GNG7: variants seen among roughly 807,000 people sequenced by gnomAD.
The protein encoded by GNG7 is guanine nucleotide-binding protein G(I)/G(S)/G(O) subunit gamma-7.
GNG7 carries 1 observed loss-of-function variant against 4.0 expected under a neutral mutation model. The ratio of observed to expected loss-of-function variants is 0.25; its 90% CI spans 0.09 to 1.18. GNG7 has a LOEUF of 1.18. Among genes scored for constraint, GNG7 ranks in the 50% most tolerant of loss-of-function variants. GNG7 has a pLI of 0.50. For missense variants in GNG7, 86 were observed against 91.9 expected (o/e 0.94, Z 0.26); for synonymous variants, 34 against 36.9 (o/e 0.92, Z 0.29).
At chr19:2,616,191 T>A (rs889012712) in intron 2 of GNG7, among the ~76,000 whole-genome samples, 5 of 152,138 alleles carry the variant, frequency 3.3e-5, no homozygotes, top group African/African-American at 1.2e-4. Context: ...AGAGGATCCC[T>A]TGAGCTCAGG....
intron 2 of GNG7, among the ~76,000 whole-genome samples, chr19:2,641,158 C>T (rs988370995): frequency 2.0e-5 from 3 of 152,152 alleles, no homozygotes; most frequent in Non-Finnish European, 2.9e-5. Flanking sequence ...GAGTTGCGCC[C>T]GGCAGATCCC....
intron 1 of GNG7, among the ~76,000 whole-genome samples, chr19:2,669,356 G>A (rs1983391833): frequency 6.6e-6 from 1 of 152,128 alleles, no homozygotes; most frequent in Non-Finnish European, 1.5e-5. Flanking sequence ...TGGGCGTGGT[G>A]GTGCATGCCT....
intron 3 of GNG7, among the ~76,000 whole-genome samples, chr19:2,549,123 C>T (rs555226766): frequency 1.2e-4 from 18 of 152,246 alleles, no homozygotes; most frequent in South Asian, 4.2e-4. Context: ...TCAGGACCCC[C>T]GGAGAGAACC....
chr19:2,512,866 T>G lies in GNG7; in HGVS notation c.*2156A>C. On this transcript the variant is annotated 3_prime_UTR_variant, in exon 5 of 5. Transcript: ENST00000382159. The surrounding 1 kb of genome is among the most constrained non-coding windows in gnomAD (Gnocchi z 4.7). ...CTCCCAGGGTCTCTGGAACAGGCTT[T>G]TGTCCCTTCCTGCCATTCCTGCTAT... The G allele has an allele frequency of 1.0e-6, 1 of 980,472 alleles. No homozygotes were observed. Among genetic ancestry groups the G allele is most frequent in the Non-Finnish European group, 1.2e-6 (1 of 825,392 alleles). The allele number at this position is 980,472 out of a possible 1,614,324, so 60.7% of individuals were successfully genotyped here. A position where few individuals can be genotyped will look rare whatever the true frequency, so the allele number is the denominator to read the frequency against.
chr19:2,639,248 C>T (rs1982416913), intron 2 of GNG7, among the ~76,000 whole-genome samples: 1 of 149,768 alleles, frequency 6.7e-6, no homozygotes, highest in Non-Finnish European at 1.5e-5. Flanking sequence ...AAAAAAAATT[C>T]CTCTTTGGCA....
intron 1 of GNG7, among the ~76,000 whole-genome samples, chr19:2,688,192 G>A (rs1259255129): frequency 6.6e-6 from 1 of 152,246 alleles, no homozygotes; most frequent in East Asian, 1.9e-4. Flanking sequence ...GGTGGAGCTT[G>A]CAGTGAGCCA....
At chr19:2,699,699 T>C (rs1913354242) in intron 1 of GNG7, among the ~76,000 whole-genome samples, 2 of 152,176 alleles carry the variant, frequency 1.3e-5, no homozygotes, top group South Asian at 4.1e-4. Flanking sequence ...GTTGTCACAA[T>C]GCGGGGAGCT....
intron 2 of GNG7, among the ~76,000 whole-genome samples, chr19:2,595,835 T>A (rs1360026939): frequency 6.6e-6 from 1 of 151,956 alleles, no homozygotes; most frequent in Non-Finnish European, 1.5e-5. Flanking sequence ...TATGTGAGTG[T>A]GCATGTGTAG....
At chr19:2,657,722 G>C (rs949874355) in intron 1 of GNG7, among the ~76,000 whole-genome samples, 2 of 151,898 alleles carry the variant, frequency 1.3e-5, no homozygotes, top group Non-Finnish European at 2.9e-5. Context: ...AAAAATTTTC[G>C]ATTTACAGAA....
At chr19:2,597,222 G>A (rs961557660) in intron 2 of GNG7, among the ~76,000 whole-genome samples, 15 of 152,184 alleles carry the variant, frequency 9.9e-5, no homozygotes, top group African/African-American at 2.2e-4. Context: ...CTGAGATGGC[G>A]TTACTGCACT....
At position 2,609,116 on chromosome 19, in the gene GNG7, T is replaced by A. The variant is rs943130117; in HGVS notation, c.-78+37108A>T. The stretch of plus-strand genomic sequence containing the variant: ...ATCTTGGCTCACCGCAACCTCTGCC[T>A]CTCAGGTTCAAGCAATCCTCCTGCC... On this transcript the variant is annotated intron_variant, in intron 2 of 4. Transcript: ENST00000382159. The surrounding 1 kb of genome is among the most constrained non-coding windows in gnomAD (Gnocchi z 4.4). Among the ~76,000 whole-genome samples the A allele has an allele frequency of 1.1e-4, 17 of 152,040 alleles. No individual in the cohort carries two copies. The highest frequency in any genetic ancestry group is 1.6e-4 in the Non-Finnish European group (11 of 68,012).
intron 2 of GNG7, among the ~76,000 whole-genome samples, chr19:2,613,515 C>T (rs1468380669): frequency 6.6e-6 from 1 of 152,126 alleles, no homozygotes; most frequent in Admixed American, 6.5e-5. Flanking sequence ...ACTCTTCCTC[C>T]TCTCTCCCTC....
intron 1 of GNG7, among the ~76,000 whole-genome samples, chr19:2,689,018 T>C (rs1913069920): frequency 6.6e-6 from 1 of 151,704 alleles, no homozygotes; most frequent in South Asian, 2.1e-4. Flanking sequence ...TGAGCCATGA[T>C]CACTCCACTG....
intron 1 of GNG7, among the ~76,000 whole-genome samples, chr19:2,671,799 A>C (rs1983459667): frequency 6.6e-6 from 1 of 151,540 alleles, no homozygotes; most frequent in Non-Finnish European, 1.5e-5. Flanking sequence ...TTTTTTTAAG[A>C]TGGAGTCTCT....
intron 2 of GNG7, chr19:2,610,887 G>A (rs945657685): frequency 2.7e-5 from 4 of 150,722 alleles, no homozygotes; most frequent in East Asian, 2.0e-4. Flanking sequence ...GGTTTCAGTC[G>A]GCCTGAGCGT....
intron 2 of GNG7, among the ~76,000 whole-genome samples, chr19:2,604,452 C>T (rs913878971): frequency 2.5e-4 from 30 of 122,320 alleles, no homozygotes; most frequent in Non-Finnish European, 9.5e-5. Flanking sequence ...GCCTGGGCAA[C>T]GGAGCAAGAC....
chr19:2,526,991 G>A (rs8105047), intron 3 of GNG7, among the ~76,000 whole-genome samples: 64,431 of 151,290 alleles, frequency 0.43, 14,074 homozygotes, highest in African/African-American at 0.54. Context: ...GACTACAGGC[G>A]CGCGCCACCA....
At chr19:2,595,836 G>A (rs1318455111) in intron 2 of GNG7, among the ~76,000 whole-genome samples, 2 of 152,080 alleles carry the variant, frequency 1.3e-5, no homozygotes, top group Non-Finnish European at 2.9e-5. Context: ...ATGTGAGTGT[G>A]CATGTGTAGG....
intron 1 of GNG7, among the ~76,000 whole-genome samples, chr19:2,689,080 G>T (rs925615743): frequency 3.1e-4 from 46 of 150,700 alleles, no homozygotes; most frequent in African/African-American, 1.0e-3. Flanking sequence ...AAATGTAAAT[G>T]TAAATTTAAA....
Sources: allele counts gnomAD v4.1 joint callset (sites outside exome capture counted in the v4.1 genomes callset), GRCh38; gene constraint gnomAD v4.1.1; non-coding constraint Gnocchi (gnomAD v3.1); transcripts MANE v1.5; gene names NCBI Gene and HGNC (gene_info 2026-07-23, HGNC 2026-07-21).